FOXN3: variants seen among roughly 807,000 people sequenced by gnomAD.
The protein encoded by FOXN3 is forkhead box protein N3.
FOXN3 carries 7 observed loss-of-function variants against 38.4 expected under a neutral mutation model. That is an observed-to-expected ratio of 0.18 (90% CI 0.10 to 0.34). The LOEUF (loss-of-function observed/expected upper bound fraction) is 0.34. Among genes scored for constraint, FOXN3 ranks in the 10% least tolerant of loss-of-function variants. The pLI is 1.00. For synonymous variants in FOXN3, 230 were observed against 242.2 expected (o/e 0.95, Z 0.47); for missense variants, 456 against 613.4 (o/e 0.74, Z 2.71).
intron 3 of FOXN3, among the ~76,000 whole-genome samples, chr14:89,333,823 A>G (rs1888341502): frequency 6.6e-6 from 1 of 150,976 alleles, no homozygotes; most frequent in Admixed American, 6.6e-5. Flanking sequence ...GTATATATCC[A>G]AAGGAAATAA....
chr14:89,565,287 G>A (rs1895328675), intron 1 of FOXN3, among the ~76,000 whole-genome samples: 1 of 152,058 alleles, frequency 6.6e-6, no homozygotes, highest in Admixed American at 6.6e-5. Context: ...AGGCTGCACA[G>A]CCCCGCCAAC....
chr14:89,239,105 C>T (rs757468729), intron 4 of FOXN3, among the ~76,000 whole-genome samples: 26 of 152,158 alleles, frequency 1.7e-4, no homozygotes, highest in African/African-American at 3.9e-4. Flanking sequence ...TAATTCACTC[C>T]GCCCCCCTCT....
intron 4 of FOXN3, among the ~76,000 whole-genome samples, chr14:89,238,429 G>A (rs968088130): frequency 1.3e-5 from 2 of 152,186 alleles, no homozygotes; most frequent in African/African-American, 4.8e-5. Context: ...CCATTATCAC[G>A]GAGGAGGACT....
At chr14:89,511,190 TTTTC>T (rs879505754) in intron 1 of FOXN3, among the ~76,000 whole-genome samples, 5,909 of 18,758 alleles carry the variant, frequency 0.32, 1,963 homozygotes, top group Non-Finnish European at 0.63. Context: ...TCTTTCTTTC[TTTTC>T]TTTCTTTCTT....
chr14:89,537,286 A>AATGG (rs1202681332), intron 1 of FOXN3, among the ~76,000 whole-genome samples: 1 of 149,686 alleles, frequency 6.7e-6, no homozygotes, highest in Non-Finnish European at 1.5e-5. Flanking sequence ...TGGATGGATG[A>AATGG]ATGGATGGAT....
intron 2 of FOXN3, among the ~76,000 whole-genome samples, chr14:89,373,646 G>A (rs1366436746): frequency 6.6e-6 from 1 of 152,126 alleles, no homozygotes; most frequent in East Asian, 1.9e-4. Context: ...CTGTCTCTGT[G>A]TTTGCTCATG....
chr14:89,459,984 T>A (rs1207421262), intron 1 of FOXN3, among the ~76,000 whole-genome samples: 1 of 152,148 alleles, frequency 6.6e-6, no homozygotes, highest in African/African-American at 2.4e-5. Context: ...TGCTAAGGAA[T>A]GCCAAGATGT....
At chr14:89,410,350 G>C (rs1405242536) in intron 2 of FOXN3, among the ~76,000 whole-genome samples, 2 of 152,122 alleles carry the variant, frequency 1.3e-5, no homozygotes, top group East Asian at 3.9e-4. Context: ...GCCCGAACCT[G>C]AACTTCAAAA....
At chr14:89,611,727 A>T (rs558524930) in intron 1 of FOXN3, among the ~76,000 whole-genome samples, 37 of 149,554 alleles carry the variant, frequency 2.5e-4, no homozygotes, top group African/African-American at 8.2e-4. Context: ...AACGGCGTGA[A>T]CCTGGGAGGC....
chr14:89,225,175 T>A (rs1397237869), intron 4 of FOXN3, among the ~76,000 whole-genome samples: 1 of 149,760 alleles, frequency 6.7e-6, no homozygotes, highest in Admixed American at 6.6e-5. Flanking sequence ...TGTGGGGATG[T>A]GTGCCTATAG....
At chr14:89,431,616 G>A (rs1214397221) in intron 1 of FOXN3, among the ~76,000 whole-genome samples, 1 of 152,080 alleles carries the variant, frequency 6.6e-6, no homozygotes, top group Non-Finnish European at 1.5e-5. Context: ...ATTTTGTTTC[G>A]ATATGTTTTA....
At chr14:89,508,785 C>A (rs1369313534) in intron 1 of FOXN3, among the ~76,000 whole-genome samples, 1 of 152,144 alleles carries the variant, frequency 6.6e-6, no homozygotes, top group East Asian at 1.9e-4. Flanking sequence ...TGAGATTCTG[C>A]ATTTTTAACA....
intron 1 of FOXN3, among the ~76,000 whole-genome samples, chr14:89,467,561 A>AG: frequency 6.6e-6 from 1 of 151,940 alleles, no homozygotes; most frequent in East Asian, 1.9e-4. Flanking sequence ...TTTAAAAAAA[A>AG]AAAGGCAAAA....
intron 4 of FOXN3, among the ~76,000 whole-genome samples, chr14:89,229,211 A>G (rs1440156914): frequency 1.3e-5 from 2 of 152,238 alleles, no homozygotes; most frequent in Non-Finnish European, 2.9e-5. Flanking sequence ...ACTAAAATAG[A>G]TAAGAGTGTC....
chr14:89,506,946 T>A (rs1893953267), intron 1 of FOXN3, among the ~76,000 whole-genome samples: 1 of 152,042 alleles, frequency 6.6e-6, no homozygotes, highest in South Asian at 2.1e-4. Context: ...TTAAGAGTCA[T>A]CGCCACTCCC....
rs1258775131 is a variant in FOXN3 at position 89,412,378 on chromosome 14, C to G, written c.99G>C (p.Lys33Asn). Residue 33 changes from lysine to asparagine, a missense_variant, in exon 2 of 6, where the codon AAG becomes AAC. This residue lies in a region of FOXN3 where 59 missense variants were observed against 69.0 expected (regional missense o/e 0.85). Transcript: ENST00000557258. The surrounding 1 kb of genome is among the most constrained non-coding windows in gnomAD (Gnocchi z 4.7). ...SQCYGGSGFS[K>N]ALQEDDDLDF... ...CGAGGTCATCGTCTTCCTGAAGGGCCTTGGAGAAACCGCTGCCCCCGTAAC... is the reference window on the plus strand; with the variant it reads ...CGAGGTCATCGTCTTCCTGAAGGGCGTTGGAGAAACCGCTGCCCCCGTAAC... 1 of 1,614,066 alleles carries G rather than the reference C, an allele frequency of 6.2e-7. No individual in the cohort carries two copies. Among genetic ancestry groups the G allele is most frequent in the Non-Finnish European group, 8.5e-7 (1 of 1,180,044 alleles).
At position 89,162,780 on chromosome 14, in the gene FOXN3, G is replaced by T; in HGVS notation, c.1041C>A (p.Ala347=). 6.2e-7 allele frequency: 1 copy of T among 1,613,040 alleles called. No individual in the cohort carries two copies. ...SSSADDHYEF[A]TKGSQEGSEG... ...CGCTGCCCTCCTGGCTCCCCTTGGT[G>T]GCAAACTCATAGTGGTCGTCGGCTG... Residue 347 remains alanine, a synonymous_variant, in exon 6 of 6, where the codon GCC becomes GCA. Transcript: ENST00000557258. The surrounding 1 kb of genome is among the most constrained non-coding windows in gnomAD (Gnocchi z 7.2).
chr14:89,256,056 G>T (rs1052824139), intron 4 of FOXN3, among the ~76,000 whole-genome samples: 1 of 152,124 alleles, frequency 6.6e-6, no homozygotes, highest in African/African-American at 2.4e-5. Flanking sequence ...CATCTGACAT[G>T]CCCTAATAAA....
At chr14:89,326,450 T>C (rs1257027412) in intron 3 of FOXN3, among the ~76,000 whole-genome samples, 1 of 152,190 alleles carries the variant, frequency 6.6e-6, no homozygotes, top group Non-Finnish European at 1.5e-5. Flanking sequence ...AAGGCTACTT[T>C]AATACTCGGC....
Sources: allele counts gnomAD v4.1 joint callset (sites outside exome capture counted in the v4.1 genomes callset), GRCh38; gene constraint gnomAD v4.1.1; regional missense constraint gnomAD v4.1.1; non-coding constraint Gnocchi (gnomAD v3.1); transcripts MANE v1.5; gene names NCBI Gene and HGNC (gene_info 2026-07-23, HGNC 2026-07-21).